The following FUCA1 variants were observed in gnomAD, a reference collection of about 807,000 sequenced individuals.
FUCA1 encodes the protein alpha-L-fucosidase 1.
A neutral mutation model predicts 56.8 loss-of-function variants in FUCA1; 52 were observed. The observed-to-expected ratio is 0.92, with a 90% CI of 0.73 to 1.15. The LOEUF is 1.15. FUCA1 is among the 50% of genes most tolerant of loss of function. The probability of loss-of-function intolerance (pLI) is 0.00; values close to 1 mark genes in which losing one functional copy is unlikely to be tolerated. For missense variants in FUCA1, 568 were observed against 592.6 expected (o/e 0.96, Z 0.43); for synonymous variants, 230 against 226.6 (o/e 1.02, Z -0.14).
rs1205600842 is a variant in FUCA1 at position 23,863,142 on chromosome 1, A to G, written c.654T>C (p.Leu218=). The G allele has an allele frequency of 2.5e-6, 4 of 1,613,940 alleles. No individual in the cohort carries two copies. Among genetic ancestry groups the G allele is most frequent in the Non-Finnish European group, 2.5e-6 (3 of 1,179,994 alleles). ...ATATTTCAGTGTCTTACCTGTTAAC[A>G]AGGTCGTACAGCTCTGGCATTGTTT... is the stretch of plus-strand genomic sequence containing the variant. ...SAKTMPELYD[L]VNSYKPDLIW... is the part of the protein sequence containing the mutation. Residue 218 remains leucine, a synonymous_variant, in exon 3 of 8, where the codon CTT becomes CTC. Transcript: ENST00000374479.
chr1:23,860,166 T>G (rs1639477471), intron 3 of FUCA1, among the ~76,000 whole-genome samples: 1 of 152,182 alleles, frequency 6.6e-6, no homozygotes, highest in South Asian at 2.1e-4. Flanking sequence ...GCAACAAATA[T>G]TTTAAAATTA....
intron 5 of FUCA1, among the ~76,000 whole-genome samples, chr1:23,853,822 G>A (rs1481246363): frequency 1.3e-5 from 2 of 152,028 alleles, no homozygotes; most frequent in African/African-American, 4.8e-5. Flanking sequence ...AATGGATTAA[G>A]GGCGGTGCAA....
chr1:23,848,903 T>C (rs933907715), intron 5 of FUCA1, 64 bp from the exon 6 acceptor site: 6 of 1,350,996 alleles, frequency 4.4e-6, no homozygotes, highest in Admixed American at 1.7e-5. Flanking sequence ...ATGCTTAAAA[T>C]AGACAGAGAA....
At chr1:23,860,365 C>T (rs1403196985) in intron 3 of FUCA1, among the ~76,000 whole-genome samples, 1 of 151,880 alleles carries the variant, frequency 6.6e-6, no homozygotes, top group African/African-American at 2.4e-5. Context: ...GGGCGGATCA[C>T]GAGGTCAGGA....
intron 4 of FUCA1, among the ~76,000 whole-genome samples, chr1:23,859,589 A>G (rs1639465095): frequency 6.6e-6 from 1 of 151,422 alleles, no homozygotes. Context: ...AAAAAACAAC[A>G]CTAAAGGAGA....
At chr1:23,853,585 G>A (rs972765636) in intron 5 of FUCA1, among the ~76,000 whole-genome samples, 4 of 150,412 alleles carry the variant, frequency 2.7e-5, no homozygotes, top group Non-Finnish European at 4.4e-5. Flanking sequence ...CATTGAGAAC[G>A]GGCCATGATG....
intron 5 of FUCA1, among the ~76,000 whole-genome samples, chr1:23,852,988 G>T (rs1639298713): frequency 6.8e-6 from 1 of 147,920 alleles, no homozygotes; most frequent in Non-Finnish European, 1.5e-5. Context: ...TCTGGAAAAT[G>T]AGGAGCGTCT....
chr1:23,860,986 TACAA>T (rs1639498770), intron 3 of FUCA1, among the ~76,000 whole-genome samples: 1 of 151,656 alleles, frequency 6.6e-6, no homozygotes, highest in South Asian at 2.1e-4. Flanking sequence ...GTAATCAGCA[TACAA>T]ACAATTTGGT....
chr1:23,852,994 C>T (rs1436135360), intron 5 of FUCA1, among the ~76,000 whole-genome samples: 2 of 149,212 alleles, frequency 1.3e-5, no homozygotes, highest in African/African-American at 2.5e-5. Context: ...AAATGAGGAG[C>T]GTCTCTGCCC....
Position 23,863,237 on chromosome 1 carries a change from C to CTT in FUCA1, c.558_559insAA (p.Glu187LysfsTer41), listed in dbSNP as rs1341328085. 1 of 1,613,680 alleles carries CTT rather than the reference C, an allele frequency of 6.2e-7. No individual in the cohort carries two copies. The highest frequency in any genetic ancestry group is 1.1e-5 in the South Asian group (1 of 91,074). ...AGTAGATAGAGTGGATGGAACCACT[C>CTT]TAAGAGTGAGTGGTATAGTCCATAG... On this transcript the variant is annotated frameshift_variant, in exon 3 of 8. Coordinates refer to ENST00000374479, the MANE Select transcript of FUCA1 (RefSeq NM_000147.5). LOFTEE classifies it high-confidence loss of function.
At chr1:23,849,461 C>T (rs1458086607) in intron 5 of FUCA1, among the ~76,000 whole-genome samples, 1 of 151,822 alleles carries the variant, frequency 6.6e-6, no homozygotes, top group Non-Finnish European at 1.5e-5. Flanking sequence ...GGTCATGCCC[C>T]AGAAACATGA....
intron 1 of FUCA1, among the ~76,000 whole-genome samples, chr1:23,866,009 T>A (rs1478354825): frequency 6.6e-6 from 1 of 152,160 alleles, no homozygotes; most frequent in Non-Finnish European, 1.5e-5. Flanking sequence ...TGGCAGATAA[T>A]AGAAAACTAA....
chr1:23,866,466 A>G (rs1639626403), intron 1 of FUCA1, among the ~76,000 whole-genome samples: 1 of 152,238 alleles, frequency 6.6e-6, no homozygotes, highest in African/African-American at 2.4e-5. Context: ...AAATCACTCA[A>G]TATTTAATTT....
At position 23,857,392 on chromosome 1, in the gene FUCA1, G is replaced by C. The variant is rs141884464; in HGVS notation, c.768+2406C>G. Among the ~76,000 whole-genome samples the C allele has an allele frequency of 3.3e-5, 5 of 152,234 alleles. No individual in the cohort carries two copies. The East Asian group carries it at 9.6e-4, about 29-fold the overall frequency. ...CAACGATCCAGCAGAGACTAGCAGA[G>C]ACAGATATGCAGACAATTACGATAT... On this transcript the variant is annotated intron_variant, in intron 4 of 7. Transcript: ENST00000374479.
rs1639604080 is a variant in FUCA1, at chr1:23,865,516, C to T, written c.499G>A (p.Glu167Lys). Residue 167 changes from glutamate (E) to lysine (K), a missense_variant, in exon 2 of 8, where the codon GAA (glutamate) becomes AAA (lysine). Physicochemically the swap from Glu to Lys is moderately conservative, Grantham distance 56 (BLOSUM62 1). Coordinates refer to ENST00000374479, the MANE Select transcript of FUCA1 (RefSeq NM_000147.5). Reference sequence around the variant, plus strand: ...CTCTTCCGGAGAGCTGTTCCCAATTCACCAACCAAATCCCGATGAGGCCCC... The same window carrying T: ...CTCTTCCGGAGAGCTGTTCCCAATTTACCAACCAAATCCCGATGAGGCCCC... The part of the protein sequence containing the change: ...DVGPHRDLVG[E>K]LGTALRKRNI... 6.8e-6 allele frequency: 11 copies of T among 1,614,214 alleles called. No individual in the cohort carries two copies. The highest frequency in any genetic ancestry group is 9.3e-6 in the Non-Finnish European group (11 of 1,180,042).
intron 5 of FUCA1, among the ~76,000 whole-genome samples, chr1:23,850,946 A>AAAT (rs925934554): frequency 4.0e-5 from 6 of 151,362 alleles, no homozygotes; most frequent in African/African-American, 1.5e-4. Context: ...ACTTTATTAA[A>AAAT]AATAATAATA....
At chr1:23,853,753 G>T (rs904938389) in intron 5 of FUCA1, among the ~76,000 whole-genome samples, 10 of 151,450 alleles carry the variant, frequency 6.6e-5, no homozygotes, top group Admixed American at 2.0e-4. Context: ...CCTGTTGATC[G>T]GTGACCCTAC....
At chr1:23,853,285 AC>A (rs542639713) in intron 5 of FUCA1, among the ~76,000 whole-genome samples, 1,564 of 149,640 alleles carry the variant, frequency 0.01, 23 homozygotes, top group African/African-American at 0.036. Flanking sequence ...CCCGGCAGCC[AC>A]CCCGTCTGGT....
Position 23,868,181 on chromosome 1 carries a change from G to C in FUCA1, c.106C>G (p.Arg36Gly), listed in dbSNP as rs201209052. 1 of 1,605,104 alleles carries C rather than the reference G, an allele frequency of 6.2e-7. No individual in the cohort carries two copies. The highest frequency in any genetic ancestry group is 2.2e-5 in the East Asian group (1 of 44,566). Reference protein sequence around the residue: ...ESVRRAQPPRRYTPDWPSLDS... With the variant: ...ESVRRAQPPRGYTPDWPSLDS... ...AGGCTCGGCCAGTCTGGGGTGTAGC[G>C]GCGCGGAGGCTGGGCCCGACGCACC... is the stretch of plus-strand genomic sequence containing the variant. The change falls in exon 1 of 8, where the codon CGC becomes GGC. Residue 36 changes from arginine to glycine, a missense_variant. Coordinates refer to ENST00000374479, the MANE Select transcript of FUCA1 (RefSeq NM_000147.5).
Sources: gnomAD v4.1 joint callset for allele counts (sites outside exome capture counted in the v4.1 genomes callset) on GRCh38, gnomAD v4.1.1 for gene constraint, MANE v1.5 for transcripts, NCBI Gene and HGNC (gene_info 2026-07-23, HGNC 2026-07-21) for gene names.